PEPD: variants seen among roughly 807,000 people sequenced by gnomAD.
The protein encoded by PEPD is xaa-Pro dipeptidase.
Under a neutral mutation model 60.7 loss-of-function variants are expected in PEPD, and 53 were observed. That is an observed-to-expected ratio of 0.87 (90% CI 0.70 to 1.10). The LOEUF is 1.10. Among genes scored for constraint, PEPD ranks in the 50% least tolerant of loss-of-function variants. The probability of loss-of-function intolerance (pLI) is 0.00; values close to 1 mark genes in which losing one functional copy is unlikely to be tolerated. For missense variants in PEPD, 711 were observed against 711.9 expected (o/e 1.00, Z 0.01); for synonymous variants, 267 against 284.1 (o/e 0.94, Z 0.60).
At chr19:33,484,709 T>C (rs904365121) in intron 6 of PEPD, among the ~76,000 whole-genome samples, 3 of 152,028 alleles carry the variant, frequency 2.0e-5, no homozygotes, top group African/African-American at 7.3e-5. Flanking sequence ...CACACCCTGA[T>C]ATACACACAT....
intron 7 of PEPD, among the ~76,000 whole-genome samples, chr19:33,468,283 G>C (rs1970057139): frequency 6.6e-6 from 1 of 152,184 alleles, no homozygotes; most frequent in Admixed American, 6.5e-5. Context: ...TCTCACAAAG[G>C]TATCAATGCA....
chr19:33,423,534 G>A (rs59253852), intron 9 of PEPD, among the ~76,000 whole-genome samples: 18,124 of 152,258 alleles, frequency 0.12, 1,264 homozygotes, highest in East Asian at 0.24. Flanking sequence ...CACAGGAATG[G>A]GAACCTGGTG....
At chr19:33,431,886 G>A (rs557622362) in intron 9 of PEPD, among the ~76,000 whole-genome samples, 74 of 151,658 alleles carry the variant, frequency 4.9e-4, no homozygotes, top group African/African-American at 1.7e-3. Flanking sequence ...CCAGCTTCTC[G>A]GGAGGCTGAG....
intron 9 of PEPD, among the ~76,000 whole-genome samples, chr19:33,438,102 C>T (rs1446180949): frequency 6.6e-6 from 1 of 152,234 alleles, no homozygotes; most frequent in Admixed American, 6.5e-5. Flanking sequence ...CACCAGCTGG[C>T]TCCCTGCCCA....
At chr19:33,422,839 CATCT>C (rs1447715125) in intron 9 of PEPD, among the ~76,000 whole-genome samples, 4 of 39,786 alleles carry the variant, frequency 1.0e-4, no homozygotes, top group East Asian at 1.2e-3. Flanking sequence ...TCTATCTATC[CATCT>C]ATCCATCCAT....
intron 1 of PEPD, among the ~76,000 whole-genome samples, chr19:33,516,128 A>G (rs1971018392): frequency 6.6e-6 from 1 of 152,070 alleles, no homozygotes; most frequent in Admixed American, 6.6e-5. Context: ...ACAGTCATTA[A>G]TTACAGGACA....
At chr19:33,444,851 C>A (rs1464065177) in intron 9 of PEPD, among the ~76,000 whole-genome samples, 1 of 152,150 alleles carries the variant, frequency 6.6e-6, no homozygotes, top group Non-Finnish European at 1.5e-5. Flanking sequence ...ATCCTCACCC[C>A]TCTCGGCCTC....
intron 9 of PEPD, among the ~76,000 whole-genome samples, chr19:33,414,756 A>T (rs1968853290): frequency 6.6e-6 from 1 of 152,222 alleles, no homozygotes. Context: ...ATTGGATATT[A>T]AGCAGTTGTT....
At chr19:33,435,605 C>T (rs1055681946) in intron 9 of PEPD, among the ~76,000 whole-genome samples, 1 of 152,250 alleles carries the variant, frequency 6.6e-6, no homozygotes, top group Non-Finnish European at 1.5e-5. Context: ...CTGGGCCCTG[C>T]AGCACGCCTC....
At chr19:33,505,012 G>GCTGGCAC (rs1379156728) in intron 3 of PEPD, among the ~76,000 whole-genome samples, 3 of 152,286 alleles carry the variant, frequency 2.0e-5, no homozygotes, top group South Asian at 4.1e-4. Context: ...ACTCTGCAGT[G>GCTGGCAC]ACTGCCAGCA....
intron 6 of PEPD, among the ~76,000 whole-genome samples, chr19:33,486,063 C>T (rs1311691670): frequency 6.6e-6 from 1 of 152,230 alleles, no homozygotes; most frequent in East Asian, 1.9e-4. Context: ...CATGGTCAGT[C>T]TCCTGCTCTC....
At position 33,387,942 on chromosome 19, in the gene PEPD, C is replaced by G. The variant is rs763642654; in HGVS notation, c.1292G>C (p.Arg431Pro). The G allele has an allele frequency of 6.3e-7, 1 of 1,597,322 alleles. No homozygotes were observed. Among genetic ancestry groups the G allele is most frequent in the Non-Finnish European group, 8.5e-7 (1 of 1,172,800 alleles). Residue 431 changes from arginine to proline, a missense_variant, in exon 14 of 15, where the codon CGC becomes CCC. Coordinates refer to ENST00000244137, the MANE Select transcript of PEPD (RefSeq NM_000285.4). ...GACCTCGCGGTTAAGGAAGGAGGCG[C>G]GGGCCGGGTCCGCCAGGGCCTCATC... ...LLDEALADPA[R>P]ASFLNREVLQ...
intron 9 of PEPD, among the ~76,000 whole-genome samples, chr19:33,444,629 T>C (rs988664885): frequency 2.4e-4 from 35 of 144,984 alleles, no homozygotes; most frequent in South Asian, 2.3e-4. Flanking sequence ...TGGCCAAGCC[T>C]ACCAGTCTGC....
intron 7 of PEPD, among the ~76,000 whole-genome samples, chr19:33,467,089 G>A (rs1395593744): frequency 3.3e-5 from 5 of 151,596 alleles, no homozygotes; most frequent in Admixed American, 2.6e-4. Flanking sequence ...CCCAGGAGGC[G>A]GAGCTTGCAG....
At chr19:33,438,145 C>G (rs772510331) in intron 9 of PEPD, among the ~76,000 whole-genome samples, 2 of 152,236 alleles carry the variant, frequency 1.3e-5, no homozygotes, top group Non-Finnish European at 2.9e-5. Flanking sequence ...AGGAACCCAG[C>G]TGGGATCTCA....
intron 6 of PEPD, 23 bp from the exon 7 acceptor site, chr19:33,478,113 G>A (rs1220958020): frequency 1.3e-5 from 21 of 1,579,294 alleles, no homozygotes; most frequent in Middle Eastern, 1.7e-4. Context: ...AAGAAATCAA[G>A]CCCATTAATC....
chr19:33,493,140 C>G, intron 5 of PEPD, 150 bp downstream of exon 5: 1 of 680,752 alleles, frequency 1.5e-6, no homozygotes. Context: ...CCTCTCAAGG[C>G]ACTTGGATAA....
intron 3 of PEPD, among the ~76,000 whole-genome samples, chr19:33,504,095 T>C (rs1358979912): frequency 6.6e-6 from 1 of 152,228 alleles, no homozygotes; most frequent in African/African-American, 2.4e-5. Context: ...GTGCATTGCA[T>C]TCTCTTTTAA....
At position 33,512,763 on chromosome 19, in the gene PEPD, G is replaced by A. The variant is rs780319782; in HGVS notation, c.31C>T (p.Leu11=). ...GGCACCTTCAGGGTTTCATTCCCCA[G>A]CCAAAACGAGGGTCTGCAGAGGCAA... is the stretch of plus-strand genomic sequence containing the variant. MAAATGPSFW[L]GNETLKVPLA... is the part of the protein sequence containing the mutation. Residue 11 remains leucine (L), a synonymous_variant, in exon 2 of 15, where the codon CTG becomes TTG. Transcript: ENST00000244137. The A allele has an allele frequency of 1.9e-6, 3 of 1,614,052 alleles. No homozygotes were observed. Among genetic ancestry groups the A allele is most frequent in the South Asian group, 2.2e-5 (2 of 91,080 alleles).
Sources: gnomAD v4.1 joint callset for allele counts (sites outside exome capture counted in the v4.1 genomes callset) on GRCh38, gnomAD v4.1.1 for gene constraint, MANE v1.5 for transcripts, NCBI Gene and HGNC (gene_info 2026-07-23, HGNC 2026-07-21) for gene names.